The following HECW1 variants were observed in gnomAD, a reference collection of about 807,000 sequenced individuals.
The protein encoded by HECW1 is E3 ubiquitin-protein ligase HECW1.
Under a neutral mutation model 182.3 loss-of-function variants are expected in HECW1, and 61 were observed. The observed-to-expected ratio is 0.33, with a 90% CI of 0.27 to 0.41. The LOEUF (loss-of-function observed/expected upper bound fraction) is 0.41, where lower values mean the gene tolerates loss of function less well. HECW1 is among the 10% of genes least tolerant of loss of function. The pLI, the probability that HECW1 is intolerant of heterozygous loss-of-function variation, is 1.00. For synonymous variants in HECW1, 859 were observed against 832.6 expected (o/e 1.03, Z -0.55); for missense variants, 1,739 against 2,108.9 (o/e 0.82, Z 3.44).
chr7:43,205,512 G>A (rs902146162), intron 2 of HECW1, among the ~76,000 whole-genome samples: 5 of 152,144 alleles, frequency 3.3e-5, no homozygotes, highest in South Asian at 4.1e-4. Flanking sequence ...GCTGCAAGTC[G>A]TAGTTCTTCT....
At chr7:43,478,612 A>G (rs554508655) in intron 16 of HECW1, among the ~76,000 whole-genome samples, 2 of 152,172 alleles carry the variant, frequency 1.3e-5, no homozygotes, top group Non-Finnish European at 2.9e-5. Context: ...AAAACCTCAT[A>G]AAATTATAGA....
intron 3 of HECW1, among the ~76,000 whole-genome samples, chr7:43,246,536 G>A (rs1411943639): frequency 6.6e-6 from 1 of 152,128 alleles, no homozygotes; most frequent in Non-Finnish European, 1.5e-5. Context: ...AGGTAATTCT[G>A]GTATGCACTC....
intron 24 of HECW1, among the ~76,000 whole-genome samples, chr7:43,533,603 C>T (rs1417269762): frequency 1.3e-5 from 2 of 149,852 alleles, no homozygotes; most frequent in Admixed American, 1.3e-4. Context: ...GACGTTTGTG[C>T]TCCAGAAGAT....
chr7:43,360,798 C>A, intron 5 of HECW1, 88 bp from the exon 6 acceptor site: 1 of 933,204 alleles, frequency 1.1e-6, no homozygotes, highest in Non-Finnish European at 1.8e-6. Flanking sequence ...AATTATGTTG[C>A]AGTTCTTAGA....
chr7:43,460,264 G>A (rs2077536860), intron 13 of HECW1, among the ~76,000 whole-genome samples: 1 of 152,320 alleles, frequency 6.6e-6, no homozygotes, highest in Non-Finnish European at 1.5e-5. Context: ...TCTACCAACA[G>A]CTACAGCTTC....
intron 2 of HECW1, among the ~76,000 whole-genome samples, chr7:43,232,598 C>CA (rs1276063507): frequency 6.6e-6 from 1 of 152,138 alleles, no homozygotes; most frequent in Non-Finnish European, 1.5e-5. Flanking sequence ...AGGCATAGCC[C>CA]AATCTAGAAC....
rs1785606310 is a variant in HECW1, at chr7:43,121,496, G to T, written c.-32+7105G>T. ...ATCATTTTCCCATTTCTCCCAACAT[G>T]CTCTGTGCTTTTCCGTAGTTGTGTA... On this transcript the variant is annotated intron_variant, in intron 2 of 29. Coordinates refer to ENST00000395891, the MANE Select transcript of HECW1 (RefSeq NM_015052.5). Among the ~76,000 whole-genome samples, 4 of 152,076 alleles carry T rather than the reference G, an allele frequency of 2.6e-5. No individual in the cohort carries two copies. The South Asian group carries it at 6.2e-4, about 24-fold the overall frequency.
chr7:43,258,807 G>A (rs1800864886), intron 3 of HECW1: 1 of 152,092 alleles, frequency 6.6e-6, no homozygotes, highest in South Asian at 2.1e-4. Flanking sequence ...GGAGCTAACA[G>A]AGGCAAATGT....
intron 5 of HECW1, among the ~76,000 whole-genome samples, chr7:43,335,297 A>G (rs1209531387): frequency 6.6e-6 from 1 of 152,246 alleles, no homozygotes; most frequent in Admixed American, 6.5e-5. Context: ...TAATATTCAA[A>G]TATCAGAACC....
At chr7:43,216,387 G>A (rs759458870) in intron 2 of HECW1, among the ~76,000 whole-genome samples, 29 of 151,966 alleles carry the variant, frequency 1.9e-4, no homozygotes, top group Admixed American at 3.3e-4. Context: ...CTCATGATCC[G>A]CCCACCTCAG....
At chr7:43,510,112 T>C (rs10240460) in intron 24 of HECW1, 68,384 of 152,012 alleles carry the variant, frequency 0.45, 15,715 homozygotes, top group South Asian at 0.67. Context: ...TGCCCTTTGT[T>C]GCCCCAGAAC....
intron 17 of HECW1, among the ~76,000 whole-genome samples, chr7:43,480,176 A>AG (rs1283981963): frequency 2.6e-5 from 4 of 152,304 alleles, no homozygotes; most frequent in Admixed American, 2.0e-4. Flanking sequence ...ACTAGAAACT[A>AG]GGGGGAATTA....
At chr7:43,553,822 T>C (rs953280521) in intron 28 of HECW1, among the ~76,000 whole-genome samples, 1 of 152,200 alleles carries the variant, frequency 6.6e-6, no homozygotes, top group African/African-American at 2.4e-5. Context: ...TCTTTATTTT[T>C]CCTGCCAGGA....
At chr7:43,188,926 T>C (rs1793651645) in intron 2 of HECW1, among the ~76,000 whole-genome samples, 1 of 152,172 alleles carries the variant, frequency 6.6e-6, no homozygotes, top group Non-Finnish European at 1.5e-5. Context: ...ATAGGACTGG[T>C]TCTTTTAAAC....
rs576009413 is a variant in HECW1, at chr7:43,458,262, C to T, written c.2651+1815C>T. On this transcript the variant is annotated intron_variant, in intron 13 of 29. Coordinates refer to ENST00000395891, the MANE Select transcript of HECW1 (RefSeq NM_015052.5). Reference sequence around the variant, plus strand: ...TTAGCAGAGAAACAGGGGAGGGTATCGTCAGGCTGTATTCATAAGAGGTAC... The same window carrying T: ...TTAGCAGAGAAACAGGGGAGGGTATTGTCAGGCTGTATTCATAAGAGGTAC... Among the ~76,000 whole-genome samples, 8 of 152,274 alleles carry T rather than the reference C, an allele frequency of 5.3e-5. No individual in the cohort carries two copies. In the East Asian group the frequency reaches 7.7e-4, roughly 15 times the overall value.
At chr7:43,541,282 G>A (rs2081355583) in intron 25 of HECW1, 21 bp downstream of exon 25, 2 of 1,579,238 alleles carry the variant, frequency 1.3e-6, no homozygotes, top group South Asian at 2.2e-5. Flanking sequence ...TGCAGACCAT[G>A]CTTCCAACCC....
At chr7:43,501,157 G>A in intron 20 of HECW1, 56 bp from the exon 21 acceptor site, 1 of 994,338 alleles carries the variant, frequency 1.0e-6, no homozygotes, top group Non-Finnish European at 1.5e-6. Flanking sequence ...CTTTCTCAGG[G>A]ATGTAAAACT....
At chr7:43,559,936 A>G (rs1048627873) in intron 29 of HECW1, among the ~76,000 whole-genome samples, 2 of 152,230 alleles carry the variant, frequency 1.3e-5, no homozygotes, top group Admixed American at 6.5e-5. Flanking sequence ...CTATTCGTCA[A>G]TGCTTTCTGT....
rs994606456 is a variant in HECW1 at position 43,468,962 on chromosome 7, A to G, written c.2956A>G (p.Met986Val). The G allele has an allele frequency of 6.2e-7, 1 of 1,614,216 alleles. No individual in the cohort carries two copies. Among genetic ancestry groups the G allele is most frequent in the East Asian group, 2.2e-5 (1 of 44,876 alleles). The stretch of plus-strand genomic sequence containing the variant: ...CACCAGTAGCACCTGCTTAAAGCAC[A>G]TGATTCTGAAAGTCCGACGGGATGC... ...VFTSSTCLKH[M>V]ILKVRRDARN... is the part of the protein sequence containing the mutation. The change falls in exon 16 of 30, where the codon ATG becomes GTG. Residue 986 changes from methionine to valine, a missense_variant. Physicochemically the swap from Met to Val is conservative, Grantham distance 21. Transcript: ENST00000395891.
Sources: allele counts gnomAD v4.1 joint callset (sites outside exome capture counted in the v4.1 genomes callset), GRCh38; gene constraint gnomAD v4.1.1; transcripts MANE v1.5; gene names NCBI Gene and HGNC (gene_info 2026-07-23, HGNC 2026-07-21).